TMEM108: variants seen among roughly 807,000 people sequenced by gnomAD.
The protein encoded by TMEM108 is transmembrane protein 108.
Under a neutral mutation model 35.1 loss-of-function variants are expected in TMEM108, and 12 were observed. The ratio of observed to expected loss-of-function variants is 0.34; its 90% CI spans 0.22 to 0.55. The LOEUF is 0.55. Among genes scored for constraint, TMEM108 ranks in the 20% least tolerant of loss-of-function variants. TMEM108 has a pLI of 0.89. For synonymous variants in TMEM108, 287 were observed against 308.6 expected (o/e 0.93, Z 0.73); for missense variants, 680 against 753.3 (o/e 0.90, Z 1.14).
chr3:133,391,540 C>T (rs567925523), intron 5 of TMEM108, among the ~76,000 whole-genome samples: 40 of 152,326 alleles, frequency 2.6e-4, no homozygotes, highest in African/African-American at 8.9e-4. Flanking sequence ...GCAAGGTAGA[C>T]CTAGACCCAG....
intron 2 of TMEM108, among the ~76,000 whole-genome samples, chr3:133,075,781 A>G (rs1013091561): frequency 6.6e-6 from 1 of 152,170 alleles, no homozygotes; most frequent in Non-Finnish European, 1.5e-5. Flanking sequence ...TATTTCGCCC[A>G]TCCTGTGTTT....
chr3:133,274,993 C>G (rs1946819610), intron 3 of TMEM108, among the ~76,000 whole-genome samples: 1 of 152,172 alleles, frequency 6.6e-6, no homozygotes, highest in Non-Finnish European at 1.5e-5. Flanking sequence ...GATTGATTTT[C>G]CTATTTCCAT....
chr3:133,164,250 A>G (rs1448878848), intron 2 of TMEM108, among the ~76,000 whole-genome samples: 1 of 152,186 alleles, frequency 6.6e-6, no homozygotes, highest in Non-Finnish European at 1.5e-5. Context: ...AGTCACAGCA[A>G]GGGTGATGGG....
chr3:133,196,848 G>T (rs1204655701), intron 2 of TMEM108, among the ~76,000 whole-genome samples: 1 of 152,190 alleles, frequency 6.6e-6, no homozygotes, highest in Non-Finnish European at 1.5e-5. Flanking sequence ...GAGAAAAAGG[G>T]AAGGAGAACA....
At chr3:133,370,300 C>G (rs1408206901) in intron 3 of TMEM108, among the ~76,000 whole-genome samples, 1 of 152,134 alleles carries the variant, frequency 6.6e-6, no homozygotes, top group Non-Finnish European at 1.5e-5. Context: ...GTTTTGAGTA[C>G]TGGTCAGCTA....
intron 3 of TMEM108, among the ~76,000 whole-genome samples, chr3:133,260,255 C>A (rs1946605633): frequency 6.7e-6 from 1 of 149,316 alleles, no homozygotes; most frequent in African/African-American, 2.5e-5. Context: ...CCTCCTGGAG[C>A]ATATAGACTA....
intron 2 of TMEM108, among the ~76,000 whole-genome samples, chr3:133,103,581 T>C (rs114859761): frequency 8.8e-4 from 134 of 152,212 alleles, no homozygotes; most frequent in African/African-American, 3.1e-3. Flanking sequence ...TTAGTTAAAA[T>C]AGAAGTTAAA....
chr3:133,234,638 A>C (rs1008888946), intron 3 of TMEM108, among the ~76,000 whole-genome samples: 1 of 152,168 alleles, frequency 6.6e-6, no homozygotes, highest in Non-Finnish European at 1.5e-5. Flanking sequence ...ACCCACAGCC[A>C]ATATCATACT....
intron 2 of TMEM108, among the ~76,000 whole-genome samples, chr3:133,158,970 C>T (rs1453820630): frequency 1.3e-5 from 2 of 152,346 alleles, no homozygotes; most frequent in Admixed American, 6.5e-5. Context: ...AAAATTCCCA[C>T]TCTTTCCCAT....
chr3:133,317,211 G>T (rs1056734220), intron 3 of TMEM108, among the ~76,000 whole-genome samples: 1 of 152,104 alleles, frequency 6.6e-6, no homozygotes, highest in Non-Finnish European at 1.5e-5. Context: ...CGTTGAAAGG[G>T]ATTTGTATCC....
intron 2 of TMEM108, among the ~76,000 whole-genome samples, chr3:133,144,088 T>G (rs1944679987): frequency 2.0e-5 from 3 of 151,914 alleles, no homozygotes. Flanking sequence ...CTGTCATCTA[T>G]ATTAGGTATT....
chr3:133,222,572 T>G (rs1946008519), intron 2 of TMEM108, among the ~76,000 whole-genome samples: 1 of 152,206 alleles, frequency 6.6e-6, no homozygotes, highest in Non-Finnish European at 1.5e-5. Context: ...TCCTTTTTAT[T>G]ATTTTTTTCT....
At chr3:133,374,036 T>G (rs560621795) in intron 3 of TMEM108, among the ~76,000 whole-genome samples, 7 of 152,294 alleles carry the variant, frequency 4.6e-5, no homozygotes, top group African/African-American at 1.4e-4. Context: ...AAGGTCTCTT[T>G]ATGTGGCCAC....
intron 4 of TMEM108, among the ~76,000 whole-genome samples, chr3:133,382,071 T>G (rs2073028081): frequency 6.6e-6 from 1 of 152,210 alleles, no homozygotes; most frequent in South Asian, 2.1e-4. Flanking sequence ...TCTTCCCTCA[T>G]GTACTTGAGC....
intron 2 of TMEM108, among the ~76,000 whole-genome samples, chr3:133,150,744 T>A (rs1378757518): frequency 6.6e-6 from 1 of 152,116 alleles, no homozygotes; most frequent in Non-Finnish European, 1.5e-5. Flanking sequence ...TGAGGTGAGA[T>A]CAGAGACATG....
At position 133,090,326 on chromosome 3, in the gene TMEM108, G is replaced by GT. The variant is rs1288546611; in HGVS notation, c.-47+44307dup. On this transcript the variant is annotated intron_variant, in intron 2 of 5. Coordinates refer to ENST00000321871, the MANE Select transcript of TMEM108 (RefSeq NM_023943.4). Reference sequence around the variant, plus strand: ...CTCTCTGGCATTTCAAGGCAGTGATGTCATTCTTATTGCTTGATAAACATA... The same window carrying GT: ...CTCTCTGGCATTTCAAGGCAGTGATGTTCATTCTTATTGCTTGATAAACATA... Among the ~76,000 whole-genome samples, 8 of 152,330 alleles carry GT rather than the reference G, an allele frequency of 5.3e-5. No homozygotes were observed. In the South Asian group the frequency reaches 1.4e-3, roughly 28 times the overall value.
rs143593167 is a variant in TMEM108 at position 133,244,399 on chromosome 3, A to G, written c.40+15048A>G. Among the ~76,000 whole-genome samples the G allele has an allele frequency of 2.9e-3, 443 of 152,156 alleles. 3 individuals are homozygous for G. The highest frequency in any genetic ancestry group is 0.01 in the African/African-American group (428 of 41,500). ...TTACTGCATCTTCCTCCTCTCCTCT[A>G]TGAACCCGTCCTAAGTCTCATTCTC... On this transcript the variant is annotated intron_variant, in intron 3 of 5. Transcript: ENST00000321871.
At chr3:133,163,990 C>G (rs1412202214) in intron 2 of TMEM108, among the ~76,000 whole-genome samples, 2 of 152,134 alleles carry the variant, frequency 1.3e-5, no homozygotes, top group Non-Finnish European at 2.9e-5. Context: ...TAGGATCTTG[C>G]CTATTTCTAG....
At position 133,229,292 on chromosome 3, in the gene TMEM108, A is replaced by C; in HGVS notation, c.-20A>C. 6.2e-7 allele frequency: 1 copy of C among 1,610,230 alleles called. No homozygotes were observed. Among genetic ancestry groups the C allele is most frequent in the Non-Finnish European group, 8.5e-7 (1 of 1,178,204 alleles). ...CAGAATCATGAATAAACTGGAGGATAAGCAGGACCAGATGATACCATGAAG... is the reference window on the plus strand; with the variant it reads ...CAGAATCATGAATAAACTGGAGGATCAGCAGGACCAGATGATACCATGAAG... On this transcript the variant is annotated 5_prime_UTR_variant, in exon 3 of 6. Transcript: ENST00000321871.
Sources: gnomAD v4.1 joint callset for allele counts (sites outside exome capture counted in the v4.1 genomes callset) on GRCh38, gnomAD v4.1.1 for gene constraint, MANE v1.5 for transcripts, NCBI Gene and HGNC (gene_info 2026-07-23, HGNC 2026-07-21) for gene names.